The following GRIK2 variants were observed in gnomAD, a reference collection of about 807,000 sequenced individuals.
The protein encoded by GRIK2 is glutamate receptor ionotropic, kainate 2.
GRIK2 carries 32 observed loss-of-function variants against 100.3 expected under a neutral mutation model. The ratio of observed to expected loss-of-function variants is 0.32; its 90% CI spans 0.24 to 0.43. The LOEUF (loss-of-function observed/expected upper bound fraction) is 0.43. Among genes scored for constraint, GRIK2 ranks in the 20% least tolerant of loss-of-function variants. The pLI is 1.00. For missense variants in GRIK2, 843 were observed against 1,114.9 expected (o/e 0.76, Z 3.47); for synonymous variants, 417 against 389.4 (o/e 1.07, Z -0.83).
intron 15 of GRIK2, among the ~76,000 whole-genome samples, chr6:102,039,389 T>C (rs922714869): frequency 1.2e-4 from 18 of 151,564 alleles, no homozygotes; most frequent in African/African-American, 4.1e-4. Context: ...GTGGTAGATT[T>C]TTGAAGTTGC....
chr6:101,731,780 C>G (rs1314392960), intron 7 of GRIK2, among the ~76,000 whole-genome samples: 1 of 151,888 alleles, frequency 6.6e-6, no homozygotes, highest in Non-Finnish European at 1.5e-5. Flanking sequence ...ATGAAAGTCA[C>G]TTAAAACCTC....
At chr6:101,754,876 G>A (rs751515892) in intron 7 of GRIK2, among the ~76,000 whole-genome samples, 3 of 152,160 alleles carry the variant, frequency 2.0e-5, no homozygotes, top group Non-Finnish European at 2.9e-5. Flanking sequence ...GGGAATCAGA[G>A]GAGTAAGGGA....
At chr6:102,050,648 T>TAAAA (rs146553452) in intron 15 of GRIK2, among the ~76,000 whole-genome samples, 165 of 43,314 alleles carry the variant, frequency 3.8e-3, no homozygotes, top group African/African-American at 0.014. Flanking sequence ...AAACTCGGTC[T>TAAAA]AAAAAAAAAA....
At chr6:101,851,295 G>T (rs4839803) in intron 10 of GRIK2, among the ~76,000 whole-genome samples, 16,817 of 151,894 alleles carry the variant, frequency 0.11, 1,974 homozygotes, top group East Asian at 0.66. Flanking sequence ...ACAAGTTAGA[G>T]TAATAAGATT....
chr6:101,641,770 C>A (rs1781286100), intron 4 of GRIK2, among the ~76,000 whole-genome samples: 1 of 151,916 alleles, frequency 6.6e-6, no homozygotes, highest in African/African-American at 2.4e-5. Context: ...ATTCCGTGTG[C>A]TTTTAGCCTA....
intron 14 of GRIK2, among the ~76,000 whole-genome samples, chr6:101,940,413 T>C (rs1203116282): frequency 6.6e-6 from 1 of 152,168 alleles, no homozygotes; most frequent in East Asian, 1.9e-4. Flanking sequence ...CTGAAACAAG[T>C]AAATCTATTG....
intron 14 of GRIK2, among the ~76,000 whole-genome samples, chr6:101,938,361 C>T (rs550805115): frequency 6.6e-6 from 1 of 152,038 alleles, no homozygotes; most frequent in Non-Finnish European, 1.5e-5. Context: ...TTACATTCTT[C>T]CCCTTAACTC....
chr6:101,801,218 A>T (rs920476186), intron 8 of GRIK2, among the ~76,000 whole-genome samples: 10 of 151,758 alleles, frequency 6.6e-5, no homozygotes, highest in African/African-American at 2.4e-4. Flanking sequence ...GTACTTCTTG[A>T]TCTTTTTGTT....
At chr6:101,674,566 A>G (rs1487372106) in intron 4 of GRIK2, among the ~76,000 whole-genome samples, 1 of 152,188 alleles carries the variant, frequency 6.6e-6, no homozygotes, top group Non-Finnish European at 1.5e-5. Flanking sequence ...TTACAAGTTC[A>G]AGTACCTATT....
intron 10 of GRIK2, among the ~76,000 whole-genome samples, chr6:101,830,106 A>G (rs886952924): frequency 6.6e-6 from 1 of 151,964 alleles, no homozygotes; most frequent in Non-Finnish European, 1.5e-5. Flanking sequence ...AGAATAGAAA[A>G]CTCAGAAATA....
At chr6:101,975,502 G>A (rs570692375) in intron 14 of GRIK2, among the ~76,000 whole-genome samples, 19 of 152,056 alleles carry the variant, frequency 1.2e-4, no homozygotes, top group Admixed American at 7.9e-4. Context: ...AGAATGTTAC[G>A]TCCTGCTGAG....
rs531712290 is a variant in GRIK2, at chr6:101,686,302, A to G, written c.900A>G (p.Arg300=). Residue 300 remains arginine (R), a synonymous_variant, in exon 7 of 17, where the codon CGA becomes CGG. Transcript: ENST00000369134. ...SSIIEKWSME[R]LQAPPKPDSG... is the part of the protein sequence containing the mutation. ...TCATTGAAAAGTGGTCGATGGAACGATTGCAGGCACCTCCGAAACCCGATT... is the reference window on the plus strand; with the variant it reads ...TCATTGAAAAGTGGTCGATGGAACGGTTGCAGGCACCTCCGAAACCCGATT... 6 of 1,613,610 alleles carry G rather than the reference A, an allele frequency of 3.7e-6. No homozygotes were observed. The African/African-American group carries it at 8.0e-5, about 22-fold the overall frequency.
intron 2 of GRIK2, among the ~76,000 whole-genome samples, chr6:101,589,004 A>G (rs1309731584): frequency 3.3e-5 from 5 of 152,066 alleles, no homozygotes; most frequent in Non-Finnish European, 7.4e-5. Context: ...AAGCTTAAGA[A>G]TTAATATAAT....
chr6:101,515,170 T>TA (rs1184316298), intron 2 of GRIK2, among the ~76,000 whole-genome samples: 1 of 152,224 alleles, frequency 6.6e-6, no homozygotes, highest in East Asian at 1.9e-4. Context: ...TTTCCTGACT[T>TA]ACATCACTTA....
At chr6:101,917,749 A>C (rs1290299749) in intron 12 of GRIK2, among the ~76,000 whole-genome samples, 1 of 151,612 alleles carries the variant, frequency 6.6e-6, no homozygotes, top group Non-Finnish European at 1.5e-5. Flanking sequence ...CAGAAGTAAC[A>C]ATTGAAAATT....
intron 12 of GRIK2, among the ~76,000 whole-genome samples, chr6:101,922,712 G>A (rs1789638126): frequency 6.6e-6 from 1 of 152,114 alleles, no homozygotes; most frequent in African/African-American, 2.4e-5. Flanking sequence ...ATATGGCTGT[G>A]AGGGATGGAG....
intron 7 of GRIK2, among the ~76,000 whole-genome samples, chr6:101,773,410 G>A (rs1778529212): frequency 6.6e-6 from 1 of 151,206 alleles, no homozygotes; most frequent in African/African-American, 2.4e-5. Context: ...AACCCGGGAG[G>A]AGGAGGTTGC....
chr6:102,015,898 C>T (rs1388601413), intron 14 of GRIK2, among the ~76,000 whole-genome samples: 2 of 152,142 alleles, frequency 1.3e-5, no homozygotes, highest in Non-Finnish European at 2.9e-5. Context: ...TGATCTGAGC[C>T]TTGGCACCCT....
intron 2 of GRIK2, among the ~76,000 whole-genome samples, chr6:101,483,600 A>G (rs1250708435): frequency 6.6e-6 from 1 of 152,144 alleles, no homozygotes; most frequent in Non-Finnish European, 1.5e-5. Context: ...TTTGGGATAG[A>G]GTCTTGCTCT....
Sources: allele counts gnomAD v4.1 joint callset (sites outside exome capture counted in the v4.1 genomes callset), GRCh38; gene constraint gnomAD v4.1.1; transcripts MANE v1.5; gene names NCBI Gene and HGNC (gene_info 2026-07-23, HGNC 2026-07-21).